The following CCDC110 variants were observed in gnomAD, a reference collection of about 807,000 sequenced individuals.
CCDC110 encodes coiled-coil domain-containing protein 110.
A neutral mutation model predicts 77.1 loss-of-function variants in CCDC110; 70 were observed. The ratio of observed to expected loss-of-function variants is 0.91; its 90% CI spans 0.75 to 1.11. The LOEUF (loss-of-function observed/expected upper bound fraction) is 1.11, where lower values mean the gene tolerates loss of function less well. CCDC110 is among the 50% of genes least tolerant of loss of function. The pLI is 0.00. For synonymous variants in CCDC110, 295 were observed against 312.5 expected, an observed-to-expected ratio of 0.94 and a Z score of 0.59; for missense variants, 868 against 942.9, an observed-to-expected ratio of 0.92 and a Z score of 1.04.
At chr4:185,448,399 C>T (rs79519020) in intron 6 of CCDC110, among the ~76,000 whole-genome samples, 24 of 152,244 alleles carry the variant, frequency 1.6e-4, no homozygotes, top group East Asian at 1.9e-4. Flanking sequence ...ATATAGATGA[C>T]GATGGTGACC....
At position 185,445,277 on chromosome 4, in the gene CCDC110, A is replaced by G. The variant is rs887676059; in HGVS notation, c.*225T>C. The stretch of plus-strand genomic sequence containing the variant: ...AGACATCTCAGCTCCTTCCATGTAC[A>G]GGTACCTGCCCTCCCTTGTAGAAGT... On this transcript the variant is annotated 3_prime_UTR_variant, in exon 7 of 7. Transcript: ENST00000307588. 6 of 758,052 alleles carry G rather than the reference A, an allele frequency of 7.9e-6. No individual in the cohort carries two copies. The highest frequency in any genetic ancestry group is 6.3e-6 in the Non-Finnish European group (3 of 478,784). The allele number at this position is 758,052 out of a possible 1,614,324, so 47.0% of individuals were successfully genotyped here.
At chr4:185,452,861 C>CT (rs1224834892) in intron 6 of CCDC110, among the ~76,000 whole-genome samples, 1 of 138,712 alleles carries the variant, frequency 7.2e-6, no homozygotes, top group Non-Finnish European at 1.5e-5. Context: ...CACCACTGTA[C>CT]TCCAGCCTGG....
rs139645925 is a variant in CCDC110, at chr4:185,458,461, A to G, written c.2126T>C (p.Met709Thr). ...AATCTGATTATCTGTTTTGGTTTCCATTACCATTTTTGATAACATTTCACA... is the reference window on the plus strand; with the variant it reads ...AATCTGATTATCTGTTTTGGTTTCCGTTACCATTTTTGATAACATTTCACA... ...KECEMLSKMVMETKTDNQILK... is the reference protein window; with the variant it reads ...KECEMLSKMVTETKTDNQILK... Residue 709 changes from methionine (M) to threonine (T), a missense_variant, in exon 6 of 7, where the codon ATG becomes ACG. Transcript: ENST00000307588. The G allele has an allele frequency of 1.9e-6, 3 of 1,600,816 alleles. No homozygotes were observed. The African/African-American group carries it at 4.0e-5, about 22-fold the overall frequency.
Position 185,459,194 on chromosome 4 carries a change from T to A in CCDC110, c.1393A>T (p.Thr465Ser), listed in dbSNP as rs572355213. The change falls in exon 6 of 7, where the codon ACC becomes TCC. Residue 465 changes from threonine (T) to serine (S), a missense_variant. Coordinates refer to ENST00000307588, the MANE Select transcript of CCDC110 (RefSeq NM_152775.4). ...LKSKMKPLIF[T>S]TQSLIQKVET... The stretch of plus-strand genomic sequence containing the variant: ...ACTTTCTGTATGAGAGATTGTGTGG[T>A]AAAGATAAGAGGTTTCATTTTGGAC... The A allele has an allele frequency of 1.9e-6, 3 of 1,601,810 alleles. No individual in the cohort carries two copies. Among genetic ancestry groups the A allele is most frequent in the Admixed American group, 1.7e-5 (1 of 57,414 alleles).
intron 4 of CCDC110, 43 bp downstream of exon 4, chr4:185,462,600 C>A: frequency 6.8e-7 from 1 of 1,474,964 alleles, no homozygotes; most frequent in Non-Finnish European, 9.5e-7. Context: ...TGGGATGATA[C>A]TTCAAGGTGA....
intron 6 of CCDC110, among the ~76,000 whole-genome samples, chr4:185,454,202 G>GTAGGAAATCAA (rs1229349384): frequency 6.6e-6 from 1 of 152,094 alleles, no homozygotes; most frequent in Non-Finnish European, 1.5e-5. Context: ...TTAGTTACTT[G>GTAGGAAATCAA]TAGGAAATCA....
chr4:185,464,702 C>T (rs997742754), intron 2 of CCDC110, among the ~76,000 whole-genome samples: 1 of 152,100 alleles, frequency 6.6e-6, no homozygotes, highest in African/African-American at 2.4e-5. Context: ...TTTCGGTCAG[C>T]TCTCTATGCA....
At chr4:185,470,474 A>G in intron 2 of CCDC110, 1 of 342,768 alleles carries the variant, frequency 2.9e-6, no homozygotes, top group Non-Finnish European at 5.8e-6. Context: ...CCCCCTGAAT[A>G]TTTTCCATCT....
At chr4:185,455,345 A>G (rs1311585525) in intron 6 of CCDC110, among the ~76,000 whole-genome samples, 3 of 152,122 alleles carry the variant, frequency 2.0e-5, no homozygotes, top group African/African-American at 7.2e-5. Context: ...ATCCATTTTC[A>G]TGGTATATAT....
intron 2 of CCDC110, among the ~76,000 whole-genome samples, chr4:185,465,953 T>C (rs1174621072): frequency 6.6e-6 from 1 of 152,150 alleles, no homozygotes; most frequent in African/African-American, 2.4e-5. Flanking sequence ...AGTAGGAACA[T>C]ACTTTAGGAG....
At chr4:185,471,542 A>C in intron 1 of CCDC110, 132 bp downstream of exon 1, 1 of 982,434 alleles carries the variant, frequency 1.0e-6, no homozygotes, top group Non-Finnish European at 1.5e-6. Context: ...CGAGCGGGAG[A>C]TGTGCGGCGA....
At position 185,468,993 on chromosome 4, in the gene CCDC110, G is replaced by A. The variant is rs1325885875; in HGVS notation, c.115+1952C>T. ...CAAACGAATGAATGAATGAAAGCTCGGGTACAACAGGGTGCTGGGAACAAC... is the reference window on the plus strand; with the variant it reads ...CAAACGAATGAATGAATGAAAGCTCAGGTACAACAGGGTGCTGGGAACAAC... On this transcript the variant is annotated intron_variant, in intron 2 of 6. Coordinates refer to ENST00000307588, the MANE Select transcript of CCDC110 (RefSeq NM_152775.4). The surrounding 1 kb of genome is among the most constrained non-coding windows in gnomAD (Gnocchi z 4.5). Among the ~76,000 whole-genome samples, 4 of 152,168 alleles carry A rather than the reference G, an allele frequency of 2.6e-5. No homozygotes were observed. The highest frequency in any genetic ancestry group is 4.8e-5 in the African/African-American group (2 of 41,462).
chr4:185,468,107 T>C lies in CCDC110; in HGVS notation c.115+2838A>G, dbSNP rs1043266086. 6.6e-6 allele frequency among the ~76,000 whole-genome samples: 1 copy of C among 152,200 alleles called. No individual in the cohort carries two copies. The highest frequency in any genetic ancestry group is 2.4e-5 in the African/African-American group (1 of 41,452). On this transcript the variant is annotated intron_variant, in intron 2 of 6. Coordinates refer to ENST00000307588, the MANE Select transcript of CCDC110 (RefSeq NM_152775.4). The surrounding 1 kb of genome is among the most constrained non-coding windows in gnomAD (Gnocchi z 4.5). ...CTGAGTTCTGCTGTGACAATTCAAG[T>C]TCATTCCTAGATGTCCCTGTCTTAC...
At chr4:185,449,899 C>T (rs573065659) in intron 6 of CCDC110, 79 of 290,850 alleles carry the variant, frequency 2.7e-4, no homozygotes, top group African/African-American at 1.6e-3. Flanking sequence ...TATAAAATCC[C>T]GGAGTGCAAT....
chr4:185,462,824 G>A lies in CCDC110; in HGVS notation c.172-116C>T. ...TATTACTTGAAAAGATCCCGTGAGGGTCAGGTGGTTCACATTCTTAGGCAT... is the reference window on the plus strand; with the variant it reads ...TATTACTTGAAAAGATCCCGTGAGGATCAGGTGGTTCACATTCTTAGGCAT... On this transcript the variant is annotated intron_variant, in intron 3 of 6. Coordinates refer to ENST00000307588, the MANE Select transcript of CCDC110 (RefSeq NM_152775.4). 9 of 1,054,294 alleles carry A rather than the reference G, an allele frequency of 8.5e-6. No individual in the cohort carries two copies. The South Asian group carries it at 1.2e-4, about 14-fold the overall frequency. 65.3% of individuals were successfully genotyped at this position (1,054,294 alleles called of 1,614,324 possible). A position where few individuals can be genotyped will look rare whatever the true frequency, so the allele number is the denominator to read the frequency against.
In CCDC110 at chr4:185,468,832, C is replaced by T. The variant is rs1207827605; in HGVS notation, c.115+2113G>A. Among the ~76,000 whole-genome samples, 2 of 152,190 alleles carry T rather than the reference C, an allele frequency of 1.3e-5. No homozygotes were observed. Among genetic ancestry groups the T allele is most frequent in the Non-Finnish European group, 1.5e-5 (1 of 68,040 alleles). ...TTTATTCCCCGCTTACACACAATAG[C>T]CTTTGTCTGTCTGTTCCCTCACTAG... On this transcript the variant is annotated intron_variant, in intron 2 of 6. Coordinates refer to ENST00000307588, the MANE Select transcript of CCDC110 (RefSeq NM_152775.4). This position sits in a 1 kb window ranked among gnomAD's most constrained non-coding sequence, Gnocchi z 4.5.
intron 6 of CCDC110, among the ~76,000 whole-genome samples, chr4:185,446,498 T>G (rs536398488): frequency 6.6e-6 from 1 of 152,170 alleles, no homozygotes; most frequent in East Asian, 1.9e-4. Context: ...AACATCCATT[T>G]AGAGCTTCAA....
intron 2 of CCDC110, among the ~76,000 whole-genome samples, chr4:185,467,581 C>T: frequency 6.6e-6 from 1 of 152,154 alleles, no homozygotes; most frequent in East Asian, 1.9e-4. Flanking sequence ...TTACTCATCT[C>T]ATATTCAACT....
At chr4:185,449,492 C>T (rs1019559467) in intron 6 of CCDC110, 33 of 694,522 alleles carry the variant, frequency 4.8e-5, no homozygotes, top group Non-Finnish European at 7.6e-5. Flanking sequence ...CACTGCACTC[C>T]AGCCTGGGCA....
Sources: gnomAD v4.1 joint callset for allele counts (sites outside exome capture counted in the v4.1 genomes callset) on GRCh38, gnomAD v4.1.1 for gene constraint, Gnocchi (gnomAD v3.1) non-coding constraint, MANE v1.5 for transcripts, NCBI Gene and HGNC (gene_info 2026-07-23, HGNC 2026-07-21) for gene names.